KRT25: variants seen among roughly 807,000 people sequenced by gnomAD.
The protein encoded by KRT25 is keratin, type I cytoskeletal 25.
KRT25 carries 37 observed loss-of-function variants against 47.6 expected under a neutral mutation model. The observed-to-expected ratio is 0.78, with a 90% CI of 0.60 to 1.02. The LOEUF (loss-of-function observed/expected upper bound fraction) is 1.02. Among genes scored for constraint, KRT25 ranks in the 50% least tolerant of loss-of-function variants. The pLI is 0.00. For synonymous variants in KRT25, 203 were observed against 210.2 expected (o/e 0.97, Z 0.30); for missense variants, 542 against 550.3 (o/e 0.98, Z 0.15).
chr17:40,751,885 T>TGC (rs748970731), intron 3 of KRT25, among the ~76,000 whole-genome samples: 3,739 of 64,016 alleles, frequency 0.058, 74 homozygotes, highest in African/African-American at 0.083. Context: ...TGTGCGTGCG[T>TGC]GTGTGTGTGT....
Position 40,755,058 on chromosome 17 carries a change from G to C in KRT25, c.214C>G (p.Arg72Gly), listed in dbSNP as rs141965826. 2.5e-6 allele frequency: 4 copies of C among 1,614,082 alleles called. No individual in the cohort carries two copies. The highest frequency in any genetic ancestry group is 2.5e-6 in the Non-Finnish European group (3 of 1,180,004). The change falls in exon 1 of 8, where the codon CGG becomes GGG. Residue 72 changes from arginine (R) to glycine (G), a missense_variant. By Grantham distance (125) the Arg-to-Gly change is moderately radical. Coordinates refer to ENST00000312150, the MANE Select transcript of KRT25 (RefSeq NM_181534.4). ...TTCTCATTGCCAGAAAGGAGCCCCC[G>C]CTCATTCACAGTGAAGCCAGCACAG... ...NPCAGFTVNE[R>G]GLLSGNEKVT...
At chr17:40,751,426 C>G (rs2038046602) in intron 3 of KRT25, 100 bp from the exon 4 acceptor site, 1 of 1,355,264 alleles carries the variant, frequency 7.4e-7, no homozygotes, top group Non-Finnish European at 9.8e-7. Context: ...TGGTTTTCCC[C>G]TCCCAGGCTG....
intron 3 of KRT25, among the ~76,000 whole-genome samples, chr17:40,751,879 C>CGTGTGTGT (rs1386809186): frequency 5.9e-5 from 5 of 84,180 alleles, no homozygotes; most frequent in African/African-American, 2.2e-4. Flanking sequence ...TGTGTGTGTG[C>CGTGTGTGT]GTGCGTGTGT....
chr17:40,754,646 A>G (rs1041687868), intron 1 of KRT25, among the ~76,000 whole-genome samples, 178 bp from the exon 2 acceptor site: 1 of 140,950 alleles, frequency 7.1e-6, no homozygotes, highest in Non-Finnish European at 1.5e-5. Flanking sequence ...TGAACCCAGG[A>G]GGTGGAGGTT....
chr17:40,753,009 A>G (rs537454549), intron 3 of KRT25, among the ~76,000 whole-genome samples: 1 of 152,376 alleles, frequency 6.6e-6, no homozygotes, highest in African/African-American at 2.4e-5. Context: ...TTGGAAGTTT[A>G]TGATTAAGTG....
intron 3 of KRT25, among the ~76,000 whole-genome samples, chr17:40,751,883 C>T (rs138055710): frequency 9.4e-4 from 140 of 149,020 alleles, no homozygotes; most frequent in African/African-American, 1.8e-3. Flanking sequence ...TGTGTGCGTG[C>T]GTGTGTGTGT....
chr17:40,748,362 T>C lies in KRT25; in HGVS notation c.1268A>G (p.Lys423Arg), dbSNP rs769039225. The change falls in exon 8 of 8, where the codon AAG becomes AGG. Residue 423 changes from lysine (K) to arginine (R), a missense_variant. Transcript: ENST00000312150. Reference protein sequence around the residue: ...VKDPAKAIVVKKVLEEVDQRS... With the variant: ...VKDPAKAIVVRKVLEEVDQRS... ...TTGGTCTACCTCCTCAAGAACTTTCTTAACCACTATGGCTTTGGCTGGGTC... is the reference window on the plus strand; with the variant it reads ...TTGGTCTACCTCCTCAAGAACTTTCCTAACCACTATGGCTTTGGCTGGGTC... 2 of 1,612,568 alleles carry C rather than the reference T, an allele frequency of 1.2e-6. No homozygotes were observed. Among genetic ancestry groups the C allele is most frequent in the Non-Finnish European group, 8.5e-7 (1 of 1,179,268 alleles).
upstream of KRT25, chr17:40,755,371 C>T (rs1338786927): frequency 9.3e-7 from 1 of 1,079,380 alleles, no homozygotes; most frequent in Non-Finnish European, 1.3e-6. Flanking sequence ...AGGCAAGTCC[C>T]AAGTGTGTTC....
rs2038012423 is a variant in KRT25, at chr17:40,748,108, C to T, written c.*169G>A. 1 of 487,660 alleles carries T rather than the reference C, an allele frequency of 2.1e-6. No individual in the cohort carries two copies. Among genetic ancestry groups the T allele is most frequent in the African/African-American group, 2.0e-5 (1 of 50,582 alleles). 30.2% of individuals were successfully genotyped at this position (487,660 alleles called of 1,614,324 possible). Reference sequence around the variant, plus strand: ...TCAAATGAGTCATATTTGTGTGTGGCATTCTTCTAGATGAATGGGGAGATG... The same window carrying T: ...TCAAATGAGTCATATTTGTGTGTGGTATTCTTCTAGATGAATGGGGAGATG... On this transcript the variant is annotated 3_prime_UTR_variant, in exon 8 of 8. Coordinates refer to ENST00000312150, the MANE Select transcript of KRT25 (RefSeq NM_181534.4).
At chr17:40,754,356 G>GAATTCATGGC in intron 2 of KRT25, 30 bp downstream of exon 2, 1 of 1,554,134 alleles carries the variant, frequency 6.4e-7, no homozygotes, top group Non-Finnish European at 8.9e-7. Flanking sequence ...GAATTGCCAT[G>GAATTCATGGC]AATTCATTTC....
At chr17:40,748,902 G>C (rs1447720315) in intron 7 of KRT25, among the ~76,000 whole-genome samples, 1 of 152,168 alleles carries the variant, frequency 6.6e-6, no homozygotes, top group Non-Finnish European at 1.5e-5. Flanking sequence ...TCTTTTACAG[G>C]AACATGGATG....
At chr17:40,748,484 T>A (rs1567659770) in intron 7 of KRT25, 98 bp from the exon 8 acceptor site, 1 of 740,196 alleles carries the variant, frequency 1.4e-6, no homozygotes, top group Non-Finnish European at 2.1e-6. Context: ...CAGAATGAAC[T>A]TTGCACTAAG....
intron 7 of KRT25, among the ~76,000 whole-genome samples, chr17:40,748,970 A>G (rs965466798): frequency 2.0e-5 from 3 of 152,108 alleles, no homozygotes; most frequent in Non-Finnish European, 2.9e-5. Context: ...CAAACACCAC[A>G]TGTTCTCACT....
At position 40,750,974 on chromosome 17, in the gene KRT25, G is replaced by A; in HGVS notation, c.937C>T (p.Leu313Phe). 6.2e-7 allele frequency: 1 copy of A among 1,614,184 alleles called. No homozygotes were observed. The highest frequency in any genetic ancestry group is 8.5e-7 in the Non-Finnish European group (1 of 1,180,028). ...CATACCGTGGCTAGGAGAGACTGAA[G>A]TTCAATTTCCAGGGTTTGAAGAGTG... ...KRTLQTLEIE[L>F]QSLLATKHSL... is the part of the protein sequence containing the mutation. Residue 313 changes from leucine (L) to phenylalanine (F), a missense_variant, in exon 5 of 8, where the codon CTT (leucine) becomes TTT (phenylalanine). Physicochemically the swap from Leu to Phe is conservative, Grantham distance 22. Transcript: ENST00000312150.
Position 40,755,144 on chromosome 17 carries a change from C to G in KRT25, c.128G>C (p.Ser43Thr). 6.2e-7 allele frequency: 1 copy of G among 1,614,238 alleles called. No homozygotes were observed. Among genetic ancestry groups the G allele is most frequent in the Non-Finnish European group, 8.5e-7 (1 of 1,180,040 alleles). ...GNSCGISGIG[S>T]GFSSAFGGSS... ...GCCTCCGAAGGCACTAGAGAAGCCA[C>G]TTCCAATCCCTGAAATGCCACAAGA... Residue 43 changes from serine to threonine, a missense_variant, in exon 1 of 8, where the codon AGT becomes ACT. By Grantham distance (58) the Ser-to-Thr change is moderately conservative. Coordinates refer to ENST00000312150, the MANE Select transcript of KRT25 (RefSeq NM_181534.4).
rs1483755512 is a variant in KRT25 at position 40,755,323 on chromosome 17, G to A, written c.-52C>T. On this transcript the variant is annotated 5_prime_UTR_variant, in exon 1 of 8. Transcript: ENST00000312150. ...CTGTATTTGTGAAAGCCAGAATGGA[G>A]TGCCTTCTTGTCTAAAAGGTTTGGT... is the stretch of plus-strand genomic sequence containing the variant. 8 of 1,532,378 alleles carry A rather than the reference G, an allele frequency of 5.2e-6. No homozygotes were observed. The highest frequency in any genetic ancestry group is 1.3e-5 in the South Asian group (1 of 79,494). The allele number at this position is 1,532,378 out of a possible 1,614,324, so 94.9% of individuals were successfully genotyped here.
rs72821893 is a variant in KRT25, at chr17:40,751,196, C to T, written c.800G>A (p.Arg267His). 0.019 allele frequency: 30,661 copies of T among 1,614,118 alleles called. 313 individuals carry two copies. The highest frequency in any genetic ancestry group is 0.023 in the Non-Finnish European group (27,475 of 1,179,956). ...GTTGAACCAGGCCTCCGCGTCCCTG[C>T]GGTTCTGCTCTGCAAGGGCTTCGTA... ...AEYEALAEQNRRDAEAWFNEK... is the reference protein window; with the variant it reads ...AEYEALAEQNHRDAEAWFNEK... The change falls in exon 4 of 8, where the codon CGC becomes CAC. Residue 267 changes from arginine (R) to histidine (H), a missense_variant. Arg to His is a conservative substitution (Grantham distance 29). Transcript: ENST00000312150.
Position 40,755,312 on chromosome 17 carries a change from G to C in KRT25, c.-41C>G. On this transcript the variant is annotated 5_prime_UTR_variant, in exon 1 of 8. Coordinates refer to ENST00000312150, the MANE Select transcript of KRT25 (RefSeq NM_181534.4). ...GCGTTGCAGAGCTGTATTTGTGAAA[G>C]CCAGAATGGAGTGCCTTCTTGTCTA... is the stretch of plus-strand genomic sequence containing the variant. The C allele has an allele frequency of 1.9e-6, 3 of 1,569,016 alleles. No individual in the cohort carries two copies. Among genetic ancestry groups the C allele is most frequent in the Non-Finnish European group, 2.6e-6 (3 of 1,155,718 alleles).
chr17:40,750,643 G>C, intron 5 of KRT25, 46 bp from the exon 6 acceptor site: 1 of 1,605,584 alleles, frequency 6.2e-7, no homozygotes, highest in East Asian at 2.2e-5. Context: ...ATGCAGATAT[G>C]CAGGGATTTC....
Sources: allele counts gnomAD v4.1 joint callset (sites outside exome capture counted in the v4.1 genomes callset), GRCh38; gene constraint gnomAD v4.1.1; transcripts MANE v1.5; gene names NCBI Gene and HGNC (gene_info 2026-07-23, HGNC 2026-07-21).